MYT1L: variants seen among roughly 807,000 people sequenced by gnomAD.
MYT1L encodes myelin transcription factor 1 like.
In MYT1L, 12 loss-of-function variants were observed where a neutral mutation model predicts 126.7. That is an observed-to-expected ratio of 0.09 (90% CI 0.06 to 0.15). The LOEUF is 0.15. Among genes scored for constraint, MYT1L ranks in the 10% least tolerant of loss-of-function variants. MYT1L has a pLI of 1.00. For synonymous variants in MYT1L, 541 were observed against 604.2 expected, an observed-to-expected ratio of 0.90 and a Z score of 1.53; for missense variants, 979 against 1,585.2, an observed-to-expected ratio of 0.62 and a Z score of 6.49.
At chr2:1,827,498 T>G (rs1444371957) in intron 21 of MYT1L, 1 of 152,174 alleles carries the variant, frequency 6.6e-6, no homozygotes, top group Admixed American at 6.5e-5. Context: ...TGAGGGGACC[T>G]CTCTGGTTGG....
At position 2,073,464 on chromosome 2, in the gene MYT1L, G is replaced by A. The variant is rs73911320; in HGVS notation, c.-303-19341C>T. On this transcript the variant is annotated intron_variant, in intron 3 of 24. Transcript: ENST00000647738. ...GGAGAGACTTCATCCTAACATTGATGGCTCTACAGAGGCTTTCCTCTCTCT... is the reference window on the plus strand; with the variant it reads ...GGAGAGACTTCATCCTAACATTGATAGCTCTACAGAGGCTTTCCTCTCTCT... 8.4e-3 allele frequency among the ~76,000 whole-genome samples: 1,281 copies of A among 152,184 alleles called. 17 individuals carry two copies. Among genetic ancestry groups the A allele is most frequent in the African/African-American group, 0.026 (1,068 of 41,532 alleles).
chr2:1,809,377 G>A (rs578150113), intron 21 of MYT1L, among the ~76,000 whole-genome samples: 1 of 152,172 alleles, frequency 6.6e-6, no homozygotes, highest in African/African-American at 2.4e-5. Context: ...TGCATGTGGT[G>A]AGCACTGATC....
At chr2:2,101,860 T>C (rs1034729069) in intron 3 of MYT1L, among the ~76,000 whole-genome samples, 2 of 152,236 alleles carry the variant, frequency 1.3e-5, no homozygotes. Context: ...GTTCTATAAA[T>C]TGTAAAATGG....
chr2:2,029,818 A>G (rs2066033986), intron 4 of MYT1L, among the ~76,000 whole-genome samples: 1 of 152,250 alleles, frequency 6.6e-6, no homozygotes, highest in Admixed American at 6.5e-5. Context: ...CATTGTTTGC[A>G]TATCATTCTA....
intron 2 of MYT1L, among the ~76,000 whole-genome samples, chr2:2,211,665 C>T (rs560158656): frequency 6.6e-6 from 1 of 151,724 alleles, no homozygotes; most frequent in Non-Finnish European, 1.5e-5. Context: ...ATTAGCTGGG[C>T]GTGGTGGCGG....
chr2:1,793,952 C>G lies in MYT1L; in HGVS notation c.3277-1488G>C, dbSNP rs1212085861. ...GCGTTCTGTAGCCCTTCCTGGGTGG[C>G]CACGTGCCTGCACTCACAGCTGGTG... On this transcript the variant is annotated intron_variant, in intron 23 of 24. Coordinates refer to ENST00000647738, the MANE Select transcript of MYT1L (RefSeq NM_001303052.2). This position sits in a 1 kb window ranked among gnomAD's most constrained non-coding sequence, Gnocchi z 4.6. Among the ~76,000 whole-genome samples, 1 of 152,196 alleles carries G rather than the reference C, an allele frequency of 6.6e-6. No individual in the cohort carries two copies. Among genetic ancestry groups the G allele is most frequent in the Non-Finnish European group, 1.5e-5 (1 of 68,040 alleles).
chr2:1,924,867 T>C (rs1024998222), intron 9 of MYT1L, among the ~76,000 whole-genome samples: 2 of 152,224 alleles, frequency 1.3e-5, no homozygotes, highest in Non-Finnish European at 2.9e-5. Flanking sequence ...ATCTCCAACA[T>C]ACCCCTTGCT....
At chr2:1,859,361 A>T (rs2044291974) in intron 18 of MYT1L, among the ~76,000 whole-genome samples, 3 of 152,206 alleles carry the variant, frequency 2.0e-5, no homozygotes, top group African/African-American at 7.2e-5. Context: ...AATACATGGG[A>T]AATAATTTTA....
chr2:1,959,764 A>G (rs1234979124), intron 8 of MYT1L, among the ~76,000 whole-genome samples: 1 of 152,198 alleles, frequency 6.6e-6, no homozygotes, highest in East Asian at 1.9e-4. Flanking sequence ...TCTTTGAATC[A>G]GCTCTCTTCC....
At chr2:1,935,358 T>C (rs750471940) in intron 9 of MYT1L, among the ~76,000 whole-genome samples, 1 of 152,210 alleles carries the variant, frequency 6.6e-6, no homozygotes, top group African/African-American at 2.4e-5. Flanking sequence ...TGAGCTGTCA[T>C]GATATTCTGA....
intron 3 of MYT1L, among the ~76,000 whole-genome samples, chr2:2,062,092 C>A (rs1489718273): frequency 6.6e-6 from 1 of 152,226 alleles, no homozygotes; most frequent in East Asian, 1.9e-4. Flanking sequence ...CTAATGCGCT[C>A]CACGCCCAAG....
intron 3 of MYT1L, among the ~76,000 whole-genome samples, chr2:2,083,809 A>G (rs889717412): frequency 6.6e-6 from 1 of 151,968 alleles, no homozygotes. Flanking sequence ...TACTCATTTT[A>G]GTATAGACTG....
chr2:2,079,739 G>A (rs889220168), intron 3 of MYT1L, among the ~76,000 whole-genome samples: 7 of 152,062 alleles, frequency 4.6e-5, no homozygotes, highest in Non-Finnish European at 8.8e-5. Flanking sequence ...CCCGGGAGGC[G>A]GAGCTTGCAG....
At chr2:2,255,296 T>C (rs1559472597) in intron 2 of MYT1L, among the ~76,000 whole-genome samples, 1 of 152,156 alleles carries the variant, frequency 6.6e-6, no homozygotes, top group Non-Finnish European at 1.5e-5. Context: ...ACACACTCAT[T>C]ACCCTTCCAT....
chr2:1,904,031 T>TG (rs2050713263), intron 13 of MYT1L, among the ~76,000 whole-genome samples: 1 of 152,140 alleles, frequency 6.6e-6, no homozygotes, highest in Non-Finnish European at 1.5e-5. Flanking sequence ...TGAAATAACT[T>TG]TAGACTTGCA....
chr2:2,093,650 C>G (rs989610023), intron 3 of MYT1L, among the ~76,000 whole-genome samples: 3 of 152,112 alleles, frequency 2.0e-5, no homozygotes, highest in African/African-American at 7.2e-5. Flanking sequence ...TGCCTGTTCA[C>G]TCTGATGGTA....
At chr2:2,241,189 G>A (rs934642089) in intron 2 of MYT1L, among the ~76,000 whole-genome samples, 3 of 152,096 alleles carry the variant, frequency 2.0e-5, no homozygotes, top group East Asian at 1.9e-4. Flanking sequence ...ATAACCGCAC[G>A]CTTCCTGCCA....
At chr2:1,935,101 G>A (rs1351737864) in intron 9 of MYT1L, among the ~76,000 whole-genome samples, 2 of 152,190 alleles carry the variant, frequency 1.3e-5, no homozygotes, top group Admixed American at 6.5e-5. Flanking sequence ...CTGAAGTTTA[G>A]TGAGCCTCAG....
chr2:2,051,899 T>A (rs2068871330), intron 4 of MYT1L, among the ~76,000 whole-genome samples: 2 of 152,074 alleles, frequency 1.3e-5, no homozygotes, highest in South Asian at 4.1e-4. Context: ...ACAAATTCAG[T>A]GCAATCCCTC....
Sources: gnomAD v4.1 joint callset for allele counts (sites outside exome capture counted in the v4.1 genomes callset) on GRCh38, gnomAD v4.1.1 for gene constraint, Gnocchi (gnomAD v3.1) non-coding constraint, MANE v1.5 for transcripts, NCBI Gene and HGNC (gene_info 2026-07-23, HGNC 2026-07-21) for gene names.